Variants in NCL observed in about 807,000 individuals in gnomAD.
The protein encoded by NCL is nucleolin multifunctional protein.
A neutral mutation model predicts 77.7 loss-of-function variants in NCL; 4 were observed. The ratio of observed to expected loss-of-function variants is 0.05; its 90% CI spans 0.03 to 0.12. The LOEUF is 0.12. NCL is among the 10% of genes least tolerant of loss of function. NCL has a pLI of 1.00. For synonymous variants in NCL, 344 were observed against 297.8 expected (o/e 1.16, Z -1.60); for missense variants, 763 against 860.9 (o/e 0.89, Z 1.42).
rs746763092 is a variant in NCL, at chr2:231,457,647, C to G, written c.1443G>C (p.Trp481Cys). 6.3e-7 allele frequency: 1 copy of G among 1,596,180 alleles called. No homozygotes were observed. Among genetic ancestry groups the G allele is most frequent in the Non-Finnish European group, 8.5e-7 (1 of 1,171,452 alleles). The change falls in exon 9 of 14, where the codon TGG (tryptophan) becomes TGC (cysteine). Residue 481 changes from tryptophan (W) to cysteine (C), a missense_variant. Around this residue, in one of 2 missense-constraint regions of NCL, gnomAD observed 173 missense variants for 290.4 expected, o/e 0.60. Transcript: ENST00000322723. ...QDYRGGKNST[W>C]SGESKTLVLS... ...GTAACAAGCCTAATTTCTTACCACT[C>G]CAAGTGCTATTCTTTCCACCTCTAT...
chr2:231,460,155 G>T lies in NCL; in HGVS notation c.1037C>A (p.Thr346Asn). 6.2e-7 allele frequency: 1 copy of T among 1,612,498 alleles called. No homozygotes were observed. Reference protein sequence around the residue: ...LAVVDVRIGMTRKFGYVDFES... With the variant: ...LAVVDVRIGMNRKFGYVDFES... ...TAACGTGCAGTGAAGCACTTACCTA[G>T]TCATACCAATTCTGACATCCACAAC... Residue 346 changes from threonine (T) to asparagine (N), a missense_variant, in exon 6 of 14, where the codon ACT becomes AAT. Transcript: ENST00000322723.
chr2:231,461,600 C>T lies in NCL; in HGVS notation c.553G>A (p.Glu185Lys). The change falls in exon 3 of 14, where the codon GAG (glutamate) becomes AAG (lysine). Residue 185 changes from glutamate to lysine, a missense_variant. Transcript: ENST00000322723. ...TCGTCATCCTCATCGTCCTCATCCTCTGAGGCAGGGGCAGCAGCTGCTGCT... is the reference window on the plus strand; with the variant it reads ...TCGTCATCCTCATCGTCCTCATCCTTTGAGGCAGGGGCAGCAGCTGCTGCT... ...MKAAAAAPAS[E>K]DEDDEDDEDD... 1 of 1,606,418 alleles carries T rather than the reference C, an allele frequency of 6.2e-7. No homozygotes were observed. The highest frequency in any genetic ancestry group is 1.1e-5 in the South Asian group (1 of 90,922).
Position 231,455,485 on chromosome 2 carries a change from C to T in NCL, c.1972G>A (p.Gly658Arg). Residue 658 changes from glycine to arginine, a missense_variant, in exon 13 of 14, where the codon GGA (glycine) becomes AGA (arginine). Around this residue, in one of 2 missense-constraint regions of NCL, gnomAD observed 173 missense variants for 290.4 expected, o/e 0.60. Coordinates refer to ENST00000322723, the MANE Select transcript of NCL (RefSeq NM_005381.3). ...KGEGGFGGRG[G>R]GRGGFGGRGG... ...CGTCCTCCAAAGCCGCCTCTGCCTCCACCACGACCCCCGAAGCCACCTTCA... is the reference window on the plus strand; with the variant it reads ...CGTCCTCCAAAGCCGCCTCTGCCTCTACCACGACCCCCGAAGCCACCTTCA... 6.2e-7 allele frequency: 1 copy of T among 1,614,160 alleles called. No individual in the cohort carries two copies. The highest frequency in any genetic ancestry group is 8.5e-7 in the Non-Finnish European group (1 of 1,180,028).
intron 9 of NCL, 39 bp downstream of exon 9, chr2:231,457,604 C>A (rs2595524): frequency 8.9e-5 from 137 of 1,541,354 alleles, no homozygotes; most frequent in Non-Finnish European, 1.1e-4. Context: ...GAGTTCCCTC[C>A]ACCAATTCTG....
chr2:231,460,392 T>C, intron 5 of NCL, 86 bp downstream of exon 5: 4 of 1,591,520 alleles, frequency 2.5e-6, no homozygotes, highest in East Asian at 2.2e-5. Context: ...CACTACAATG[T>C]AACATCAGGT....
chr2:231,459,653 T>C (rs562547374), intron 6 of NCL, among the ~76,000 whole-genome samples: 3 of 152,014 alleles, frequency 2.0e-5, no homozygotes, highest in Non-Finnish European at 2.9e-5. Flanking sequence ...ACGCCTGTAA[T>C]CCCAGCACTT....
chr2:231,462,604 A>C (rs1365577343), intron 2 of NCL: 1 of 507,214 alleles, frequency 2.0e-6, no homozygotes, highest in South Asian at 1.4e-5. Flanking sequence ...TTTATCAGGC[A>C]ATGTGTGGAA....
chr2:231,460,479 T>A lies in NCL; in HGVS notation c.897A>T (p.Glu299Asp), dbSNP rs754501202. 5 of 1,613,802 alleles carry A rather than the reference T, an allele frequency of 3.1e-6. No individual in the cohort carries two copies. The South Asian group carries it at 5.5e-5, about 18-fold the overall frequency. ...AAPEAKKQKV[E>D]GTEPTTAFNL... ...ATATCCCCTAATTCTGCAAGTTACC[T>A]TCCACTTTCTGTTTCTTGGCTTCAG... Residue 299 changes from glutamate (E) to aspartate (D), a missense_variant and splice_region_variant, in exon 5 of 14, where the codon GAA becomes GAT. By Grantham distance (45) the Glu-to-Asp change is conservative. This residue lies in a region of NCL where 590 missense variants were observed against 570.5 expected (regional missense o/e 1.03). Transcript: ENST00000322723.
In NCL at chr2:231,460,724, A is replaced by ATCT. The variant is rs756140546; in HGVS notation, c.753_755dup (p.Glu251dup). The ATCT allele has an allele frequency of 6.2e-7, 1 of 1,611,936 alleles. No individual in the cohort carries two copies. Among genetic ancestry groups the ATCT allele is most frequent in the Non-Finnish European group, 8.5e-7 (1 of 1,178,292 alleles). On this transcript the variant is annotated inframe_insertion, in exon 4 of 14. Coordinates refer to ENST00000322723, the MANE Select transcript of NCL (RefSeq NM_005381.3). ...CATCTTCATCATCATCATCTTCATC[A>ATCT]TCTTCGTCGTCGTCGTCATCCTCGT... is the stretch of plus-strand genomic sequence containing the variant.
chr2:231,456,468 A>G (rs2046889221), intron 11 of NCL, 163 bp downstream of exon 11: 1 of 1,265,034 alleles, frequency 7.9e-7, no homozygotes, highest in Admixed American at 1.7e-5. Flanking sequence ...GACTATCTAG[A>G]GGAATTTTCT....
chr2:231,456,307 A>G, intron 11 of NCL, 171 bp from the exon 12 acceptor site: 2 of 937,858 alleles, frequency 2.1e-6, no homozygotes, highest in Admixed American at 2.3e-5. Flanking sequence ...CTGGGTTTAC[A>G]TTTTTTAATT....
In NCL at chr2:231,460,656, CTAATT is replaced by C. The variant is rs532913381; in HGVS notation, c.811+8_811+12del. The C allele has an allele frequency of 2.0e-5, 33 of 1,614,108 alleles. No homozygotes were observed. Among genetic ancestry groups the C allele is most frequent in the Middle Eastern group, 1.6e-4 (1 of 6,062 alleles). On this transcript the variant is annotated splice_region_variant and intron_variant, in intron 4 of 13. Coordinates refer to ENST00000322723, the MANE Select transcript of NCL (RefSeq NM_005381.3). ...CATAACTCATGTCGTATGTCAGAAT[CTAATT>C]TAAGTACCTTCCTCCTCCTCTTCTT...
chr2:231,459,204 G>A, intron 6 of NCL, 79 bp from the exon 7 acceptor site: 2 of 1,384,214 alleles, frequency 1.4e-6, no homozygotes, highest in Non-Finnish European at 1.9e-6. Flanking sequence ...CTAGACAAAT[G>A]TGATGGTGCA....
intron 11 of NCL, chr2:231,456,362 T>A (rs561881971): frequency 1.4e-5 from 12 of 887,248 alleles, no homozygotes; most frequent in Non-Finnish European, 2.0e-5. Flanking sequence ...CTATGGAAAG[T>A]GGGAGAAGCA....
At chr2:231,456,977 G>A (rs1023679192) in intron 10 of NCL, 24 bp downstream of exon 10, 3 of 1,612,692 alleles carry the variant, frequency 1.9e-6, no homozygotes, top group Non-Finnish European at 2.5e-6. Flanking sequence ...GCCTATAACT[G>A]ATGATACAAA....
Position 231,455,989 on chromosome 2 carries a change from AC to A in NCL, c.1832+20del, listed in dbSNP as rs1372857191. 6.2e-7 allele frequency: 1 copy of A among 1,613,986 alleles called. No individual in the cohort carries two copies. The highest frequency in any genetic ancestry group is 8.5e-7 in the Non-Finnish European group (1 of 1,180,030). On this transcript the variant is annotated intron_variant, in intron 12 of 13. Coordinates refer to ENST00000322723, the MANE Select transcript of NCL (RefSeq NM_005381.3). Reference sequence around the variant, plus strand: ...AAAAACCCCTTCAAGTGGAAGCAGCACTCACGCTTCCTTCCCTTACCCTTTG... The same window carrying A: ...AAAAACCCCTTCAAGTGGAAGCAGCATCACGCTTCCTTCCCTTACCCTTTG...
chr2:231,461,157 T>C (rs992749968), intron 3 of NCL, among the ~76,000 whole-genome samples: 5 of 151,934 alleles, frequency 3.3e-5, no homozygotes, highest in Admixed American at 3.3e-4. Context: ...TGGGCACCTG[T>C]AATCCCAGCT....
chr2:231,458,593 C>T lies in NCL; in HGVS notation c.1166-204G>A, dbSNP rs578113887. ...CCATGTTGTCACAGCTGATGTCAAACTCTCTGTTAGGTACACTGGAGTTCA... is the reference window on the plus strand; with the variant it reads ...CCATGTTGTCACAGCTGATGTCAAATTCTCTGTTAGGTACACTGGAGTTCA... On this transcript the variant is annotated intron_variant, in intron 7 of 13. Transcript: ENST00000322723. The T allele has an allele frequency of 3.1e-5, 20 of 655,020 alleles. No individual in the cohort carries two copies. In the South Asian group the frequency reaches 3.9e-4, roughly 13 times the overall value. 40.6% of individuals were successfully genotyped at this position (655,020 alleles called of 1,614,324 possible). A position where few individuals can be genotyped will look rare whatever the true frequency, so the allele number is the denominator to read the frequency against.
intron 7 of NCL, 99 bp downstream of exon 7, chr2:231,458,902 A>G: frequency 2.3e-6 from 3 of 1,297,572 alleles, no homozygotes; most frequent in Non-Finnish European, 3.1e-6. Flanking sequence ...AAAATGATTT[A>G]AAAAAATAAG....
Sources: gnomAD v4.1 joint callset for allele counts (sites outside exome capture counted in the v4.1 genomes callset) on GRCh38, gnomAD v4.1.1 for gene constraint, gnomAD v4.1.1 regional missense constraint, MANE v1.5 for transcripts, NCBI Gene and HGNC (gene_info 2026-07-23, HGNC 2026-07-21) for gene names.